Variants in POLR3A observed in about 807,000 individuals in gnomAD.
POLR3A encodes the protein RNA polymerase III subunit A.
POLR3A carries 112 observed loss-of-function variants against 152.8 expected under a neutral mutation model. That is an observed-to-expected ratio of 0.73 (90% CI 0.63 to 0.86). POLR3A has a LOEUF of 0.86. Among genes scored for constraint, POLR3A ranks in the 40% least tolerant of loss-of-function variants. The pLI, the probability that POLR3A is intolerant of heterozygous loss-of-function variation, is 0.00. For synonymous variants in POLR3A, 615 were observed against 652.1 expected (o/e 0.94, Z 0.87); for missense variants, 1,385 against 1,743.1 (o/e 0.79, Z 3.66).
chr10:77,989,141 GA>G (rs1411053133), intron 21 of POLR3A, among the ~76,000 whole-genome samples: 1 of 152,142 alleles, frequency 6.6e-6, no homozygotes, highest in Non-Finnish European at 1.5e-5. Flanking sequence ...AATGAAAACT[GA>G]AACAATCTGC....
rs1160941094 is a variant in POLR3A at position 78,004,697 on chromosome 10, A to G, written c.2247+19T>C. 6 of 1,607,794 alleles carry G rather than the reference A, an allele frequency of 3.7e-6. No homozygotes were observed. Among genetic ancestry groups the G allele is most frequent in the South Asian group, 3.3e-5 (3 of 90,836 alleles). On this transcript the variant is annotated intron_variant, in intron 16 of 30. Coordinates refer to ENST00000372371, the MANE Select transcript of POLR3A (RefSeq NM_007055.4). ...TGTGCACGGCAAGTGGCGACCCTGA[A>G]CCAAAGGGCCGGGCTCACCTCCAGG...
At chr10:77,981,388 C>T (rs963290886) in intron 29 of POLR3A, 40 bp downstream of exon 29, 26 of 1,606,606 alleles carry the variant, frequency 1.6e-5, no homozygotes, top group South Asian at 5.5e-5. Context: ...AAGTGAGTTT[C>T]GGGATGCCCA....
chr10:78,000,196 A>C, intron 18 of POLR3A, 78 bp from the exon 19 acceptor site: 1 of 1,297,010 alleles, frequency 7.7e-7, no homozygotes, highest in Non-Finnish European at 1.1e-6. Context: ...TCAAATCAGA[A>C]AATGCCCCAC....
rs1163479005 is a variant in POLR3A, at chr10:78,024,773, G to C, written c.491-70C>G. 6.2e-6 allele frequency: 9 copies of C among 1,453,492 alleles called. No individual in the cohort carries two copies. In the East Asian group the frequency reaches 1.1e-4, roughly 18 times the overall value. 90.0% of individuals were successfully genotyped at this position (1,453,492 alleles called of 1,614,324 possible). Reference sequence around the variant, plus strand: ...TCAGATTGGCCAGAGATTGTAGTATGGTTAATGAAATTACTGAAACTACTA... The same window carrying C: ...TCAGATTGGCCAGAGATTGTAGTATCGTTAATGAAATTACTGAAACTACTA... On this transcript the variant is annotated intron_variant, in intron 4 of 30. Transcript: ENST00000372371.
At chr10:78,027,842 C>A (rs867627260) in intron 1 of POLR3A, among the ~76,000 whole-genome samples, 7 of 152,174 alleles carry the variant, frequency 4.6e-5, no homozygotes, top group African/African-American at 1.7e-4. Flanking sequence ...CAGACGTGAG[C>A]CACCACTCCT....
intron 10 of POLR3A, among the ~76,000 whole-genome samples, chr10:78,015,714 TA>T (rs1847516966): frequency 6.6e-6 from 1 of 152,166 alleles, no homozygotes; most frequent in Non-Finnish European, 1.5e-5. Flanking sequence ...TGGCTATTTA[TA>T]GGCGTGATAT....
At chr10:77,996,453 G>A (rs1361234826) in intron 19 of POLR3A, among the ~76,000 whole-genome samples, 1 of 152,052 alleles carries the variant, frequency 6.6e-6, no homozygotes, top group African/African-American at 2.4e-5. Context: ...GAATCAAATA[G>A]ATGCAATAAA....
chr10:77,979,966 C>T (rs1847124553), intron 30 of POLR3A, among the ~76,000 whole-genome samples, 175 bp downstream of exon 30: 1 of 152,198 alleles, frequency 6.6e-6, no homozygotes, highest in South Asian at 2.1e-4. Flanking sequence ...CAGGATGCTA[C>T]AGTCAGGATT....
intron 3 of POLR3A, 101 bp from the exon 4 acceptor site, chr10:78,025,243 A>G (rs75916937): frequency 1.6e-6 from 2 of 1,233,508 alleles, no homozygotes; most frequent in Non-Finnish European, 2.4e-6. Flanking sequence ...TAACCACGTG[A>G]CCATATACAC....
chr10:77,994,871 A>C (rs1847284317), intron 19 of POLR3A, among the ~76,000 whole-genome samples: 1 of 152,148 alleles, frequency 6.6e-6, no homozygotes, highest in East Asian at 1.9e-4. Flanking sequence ...AGATTCACCA[A>C]AGTTGAAATG....
At chr10:77,998,537 G>A (rs981915285) in intron 19 of POLR3A, among the ~76,000 whole-genome samples, 1 of 152,150 alleles carries the variant, frequency 6.6e-6, no homozygotes, top group African/African-American at 2.4e-5. Context: ...GCAGCCAAAG[G>A]ACACATGAAA....
At chr10:78,024,019 G>C (rs545250834) in intron 5 of POLR3A, among the ~76,000 whole-genome samples, 1 of 132,714 alleles carries the variant, frequency 7.5e-6, no homozygotes, top group Non-Finnish European at 1.7e-5. Context: ...TACAAGGCCA[G>C]TCCACATTAG....
At chr10:78,026,466 ACAAC>A (rs1161746060) in intron 1 of POLR3A, among the ~76,000 whole-genome samples, 4 of 152,170 alleles carry the variant, frequency 2.6e-5, no homozygotes, top group Non-Finnish European at 4.4e-5. Context: ...GGCCACCTAG[ACAAC>A]CTGCCTGCTG....
chr10:77,986,695 T>TC (rs1847201454), intron 21 of POLR3A, among the ~76,000 whole-genome samples: 2 of 152,136 alleles, frequency 1.3e-5, no homozygotes, highest in South Asian at 4.1e-4. Context: ...GCTTATCTTT[T>TC]CCCCTCTGGT....
chr10:77,982,843 T>TA, intron 26 of POLR3A, 26 bp from the exon 27 acceptor site: 1 of 1,609,510 alleles, frequency 6.2e-7, no homozygotes, highest in Non-Finnish European at 8.5e-7. Flanking sequence ...GTGTAGGTGT[T>TA]ACTGATTCCA....
At chr10:78,001,236 A>C in intron 17 of POLR3A, 142 bp from the exon 18 acceptor site, 1 of 607,256 alleles carries the variant, frequency 1.6e-6, no homozygotes, top group Non-Finnish European at 3.1e-6. Flanking sequence ...ACAGAAATAC[A>C]ATCAAGACAA....
At chr10:78,000,247 T>C in intron 18 of POLR3A, 129 bp from the exon 19 acceptor site, 1 of 792,508 alleles carries the variant, frequency 1.3e-6, no homozygotes, top group African/African-American at 1.7e-5. Flanking sequence ...TCTCACTAAA[T>C]GGCAGGCTTT....
rs943547296 is a variant in POLR3A at position 77,982,146 on chromosome 10, A to C, written c.3759+8T>G. 6.3e-7 allele frequency: 1 copy of C among 1,597,808 alleles called. No homozygotes were observed. The highest frequency in any genetic ancestry group is 2.3e-5 in the East Asian group (1 of 43,694). ...AACCCTAAGGCGACCCCGTGGGCTG[A>C]GTGGTACCTCATAGGTGTTATTGGA... On this transcript the variant is annotated splice_region_variant and intron_variant, in intron 28 of 30. Transcript: ENST00000372371.
At chr10:77,982,532 G>T in intron 27 of POLR3A, 121 bp downstream of exon 27, 3 of 985,456 alleles carry the variant, frequency 3.0e-6, no homozygotes, top group Non-Finnish European at 4.7e-6. Flanking sequence ...CTAACTCCTT[G>T]GGGATAAGGC....
Sources: allele counts gnomAD v4.1 joint callset (sites outside exome capture counted in the v4.1 genomes callset), GRCh38; gene constraint gnomAD v4.1.1; transcripts MANE v1.5; gene names NCBI Gene and HGNC (gene_info 2026-07-23, HGNC 2026-07-21).